The following AADAT variants were observed in gnomAD, a reference collection of about 807,000 sequenced individuals.
AADAT encodes the protein aminoadipate aminotransferase.
In AADAT, 25 loss-of-function variants were observed where a neutral mutation model predicts 56.2. The observed-to-expected ratio is 0.44, with a 90% CI of 0.32 to 0.62. The LOEUF (loss-of-function observed/expected upper bound fraction) is 0.62, where lower values mean the gene tolerates loss of function less well. Ranked by LOEUF, AADAT falls within the 20% of genes least tolerant of loss-of-function variation. The pLI, the probability that AADAT is intolerant of heterozygous loss-of-function variation, is 0.04. For missense variants in AADAT, 387 were observed against 510.5 expected, an observed-to-expected ratio of 0.76 and a Z score of 2.33; for synonymous variants, 173 against 164.7, an observed-to-expected ratio of 1.05 and a Z score of -0.39.
chr4:170,064,579 A>G (rs1002506558), intron 11 of AADAT, 140 bp downstream of exon 11: 6 of 644,710 alleles, frequency 9.3e-6, no homozygotes, highest in Non-Finnish European at 1.6e-5. Flanking sequence ...TGATAATGCA[A>G]TAAAATATCT....
chr4:170,077,321 G>A (rs1194412682), intron 4 of AADAT, among the ~76,000 whole-genome samples: 1 of 152,076 alleles, frequency 6.6e-6, no homozygotes, highest in Non-Finnish European at 1.5e-5. Context: ...TCCAATCTAT[G>A]AACTGTGGAA....
chr4:170,088,875 C>T (rs1732695004), intron 1 of AADAT, among the ~76,000 whole-genome samples: 1 of 152,134 alleles, frequency 6.6e-6, no homozygotes, highest in African/African-American at 2.4e-5. Flanking sequence ...GACATAGGTT[C>T]TCCCTTCTAC....
intron 3 of AADAT, among the ~76,000 whole-genome samples, chr4:170,086,055 C>T (rs1037444741): frequency 6.6e-6 from 1 of 152,040 alleles, no homozygotes; most frequent in African/African-American, 2.4e-5. Flanking sequence ...AGCCCATGAG[C>T]TCAAGACCAG....
At chr4:170,065,067 G>C (rs2111144596) in intron 10 of AADAT, among the ~76,000 whole-genome samples, 1 of 152,294 alleles carries the variant, frequency 6.6e-6, no homozygotes, top group African/African-American at 2.4e-5. Context: ...CAAGTGAATA[G>C]CTCGCGTGTG....
intron 2 of AADAT, 117 bp from the exon 3 acceptor site, chr4:170,087,365 C>T: frequency 1.1e-6 from 1 of 942,666 alleles, no homozygotes; most frequent in Non-Finnish European, 1.5e-6. Context: ...TTAAAAAACC[C>T]TCAAATGCTT....
intron 3 of AADAT, among the ~76,000 whole-genome samples, chr4:170,081,800 A>T (rs928434413): frequency 7.9e-5 from 12 of 152,324 alleles, no homozygotes; most frequent in African/African-American, 2.9e-4. Context: ...TCAGCCTCCC[A>T]AAGAGCTGGG....
chr4:170,065,462 T>C (rs1363477640), intron 10 of AADAT, among the ~76,000 whole-genome samples: 2 of 152,000 alleles, frequency 1.3e-5, no homozygotes, highest in Non-Finnish European at 2.9e-5. Flanking sequence ...TCAGTACTAT[T>C]ATGCAAAGTG....
At chr4:170,071,929 G>C (rs992926209) in intron 5 of AADAT, among the ~76,000 whole-genome samples, 4 of 152,130 alleles carry the variant, frequency 2.6e-5, no homozygotes, top group Non-Finnish European at 5.9e-5. Context: ...AATGTGAGAG[G>C]CTGTAGATCA....
At chr4:170,078,835 A>C (rs1732162510) in intron 3 of AADAT, among the ~76,000 whole-genome samples, 2 of 152,188 alleles carry the variant, frequency 1.3e-5, no homozygotes, top group African/African-American at 4.8e-5. Flanking sequence ...ACTGAGTTCC[A>C]ATAAAACTTT....
At chr4:170,080,321 C>G (rs1732233873) in intron 3 of AADAT, among the ~76,000 whole-genome samples, 1 of 152,156 alleles carries the variant, frequency 6.6e-6, no homozygotes, top group Non-Finnish European at 1.5e-5. Flanking sequence ...TGCCTGGCAC[C>G]AAGCACGTGG....
At position 170,064,821 on chromosome 4, in the gene AADAT, C is replaced by T; in HGVS notation, c.1032G>A (p.Leu344=). The T allele has an allele frequency of 6.2e-6, 10 of 1,607,272 alleles. No individual in the cohort carries two copies. Among genetic ancestry groups the T allele is most frequent in the Non-Finnish European group, 8.5e-6 (10 of 1,178,456 alleles). ...LAAADKWLTG[L]AEWHVPAAGM... The stretch of plus-strand genomic sequence containing the variant: ...CAGCAGCAGGAACATGCCATTCTGC[C>T]AAACCTACAAACAAAAGAAGAGAAT... Residue 344 remains leucine, a synonymous_variant, in exon 11 of 13, where the codon TTG becomes TTA. Coordinates refer to ENST00000337664, the MANE Select transcript of AADAT (RefSeq NM_016228.4).
At chr4:170,086,494 T>G (rs924542729) in intron 3 of AADAT, among the ~76,000 whole-genome samples, 3 of 151,966 alleles carry the variant, frequency 2.0e-5, no homozygotes, top group African/African-American at 7.2e-5. Flanking sequence ...ATACAAGCAG[T>G]GGCAAGGAGA....
chr4:170,086,467 C>G (rs1213173456), intron 3 of AADAT, among the ~76,000 whole-genome samples: 1 of 151,816 alleles, frequency 6.6e-6, no homozygotes, highest in East Asian at 2.0e-4. Flanking sequence ...GAGAAATACA[C>G]CCAAGAGGGG....
At chr4:170,076,610 T>G (rs993725729) in intron 4 of AADAT, among the ~76,000 whole-genome samples, 12 of 152,202 alleles carry the variant, frequency 7.9e-5, no homozygotes, top group Non-Finnish European at 1.8e-4. Context: ...TTATATGTTC[T>G]GGTTATTAAA....
chr4:170,072,875 T>A (rs567165852), intron 5 of AADAT, among the ~76,000 whole-genome samples: 69 of 152,202 alleles, frequency 4.5e-4, no homozygotes, highest in African/African-American at 1.6e-3. Context: ...TCTCAAAAAA[T>A]TTAACATCAG....
chr4:170,062,083 T>A (rs1326142270), intron 11 of AADAT, 90 bp from the exon 12 acceptor site: 1 of 775,218 alleles, frequency 1.3e-6, no homozygotes, highest in Non-Finnish European at 2.0e-6. Context: ...TAGGGAAGGA[T>A]GTTTTAAGTT....
intron 5 of AADAT, among the ~76,000 whole-genome samples, chr4:170,072,642 A>T (rs1731831214): frequency 6.6e-6 from 1 of 152,162 alleles, no homozygotes; most frequent in African/African-American, 2.4e-5. Context: ...TTATTTTTCA[A>T]AGATTTCTGG....
chr4:170,068,274 T>C (rs1355938125), intron 8 of AADAT, among the ~76,000 whole-genome samples: 3 of 151,964 alleles, frequency 2.0e-5, no homozygotes, highest in Non-Finnish European at 4.4e-5. Context: ...GAACATACAA[T>C]ATCAAACAAG....
upstream of AADAT, among the ~76,000 whole-genome samples, chr4:170,092,586 C>G (rs924629289): frequency 2.0e-5 from 3 of 152,220 alleles, no homozygotes; most frequent in African/African-American, 4.8e-5. Flanking sequence ...GGCACAGTAT[C>G]TAGTAAACCT....
Sources: allele counts gnomAD v4.1 joint callset (sites outside exome capture counted in the v4.1 genomes callset), GRCh38; gene constraint gnomAD v4.1.1; transcripts MANE v1.5; gene names NCBI Gene and HGNC (gene_info 2026-07-23, HGNC 2026-07-21).